The following ARHGEF37 variants were observed in gnomAD, a reference collection of about 807,000 sequenced individuals.
The protein encoded by ARHGEF37 is Rho guanine nucleotide exchange factor 37, also known as Rho guanine nucleotide exchange factor (GEF) 37.
ARHGEF37 carries 55 observed loss-of-function variants against 71.1 expected under a neutral mutation model. The ratio of observed to expected loss-of-function variants is 0.77; its 90% CI spans 0.62 to 0.97. The LOEUF is 0.97. Ranked by LOEUF, ARHGEF37 falls within the 50% of genes least tolerant of loss-of-function variation. The pLI, the probability that ARHGEF37 is intolerant of heterozygous loss-of-function variation, is 0.00. For missense variants in ARHGEF37, 765 were observed against 836.8 expected (o/e 0.91, Z 1.06); for synonymous variants, 327 against 350.6 (o/e 0.93, Z 0.75).
At chr5:149,568,143 C>G (rs7710214) in intron 1 of ARHGEF37, among the ~76,000 whole-genome samples, 3 of 151,760 alleles carry the variant, frequency 2.0e-5, no homozygotes, top group Admixed American at 2.0e-4. Flanking sequence ...ACCTCAGGCT[C>G]CTGAGTAGCT....
At chr5:149,604,865 T>C (rs571657258) in intron 3 of ARHGEF37, among the ~76,000 whole-genome samples, 1 of 151,392 alleles carries the variant, frequency 6.6e-6, no homozygotes, top group African/African-American at 2.4e-5. Flanking sequence ...GTATTTTTAG[T>C]AGAGACTGGG....
upstream of ARHGEF37, among the ~76,000 whole-genome samples, chr5:149,576,568 T>TA (rs1459908205): frequency 6.6e-6 from 1 of 152,238 alleles, no homozygotes; most frequent in South Asian, 2.1e-4. Flanking sequence ...GATAAACGTT[T>TA]AGCCACCATA....
intron 2 of ARHGEF37, among the ~76,000 whole-genome samples, chr5:149,600,558 C>A (rs1763720921): frequency 6.6e-6 from 1 of 152,188 alleles, no homozygotes; most frequent in African/African-American, 2.4e-5. Context: ...TGGCAGCAGA[C>A]CTAGGCTAAA....
intron 6 of ARHGEF37, 56 bp from the exon 7 acceptor site, chr5:149,618,882 C>T (rs1373227507): frequency 7.1e-7 from 1 of 1,406,574 alleles, no homozygotes; most frequent in African/African-American, 1.4e-5. Flanking sequence ...AACACTGAAG[C>T]CGGTGTACAC....
chr5:149,623,907 T>C, intron 9 of ARHGEF37, 105 bp from the exon 10 acceptor site: 2 of 1,437,688 alleles, frequency 1.4e-6, no homozygotes, highest in Non-Finnish European at 1.9e-6. Context: ...GGACAGAGTA[T>C]CACTCAGAAC....
chr5:149,632,360 G>C lies in ARHGEF37; in HGVS notation c.*169G>C, dbSNP rs1752911172. The C allele has an allele frequency of 1.4e-6, 1 of 706,868 alleles. No individual in the cohort carries two copies. Among genetic ancestry groups the C allele is most frequent in the Admixed American group, 2.9e-5 (1 of 34,954 alleles). 43.8% of individuals were successfully genotyped at this position (706,868 alleles called of 1,614,324 possible). On this transcript the variant is annotated 3_prime_UTR_variant, in exon 13 of 13. Transcript: ENST00000333677. ...AAGACATGGGCGGGCCTCGCAGAGT[G>C]CTTGGTGTGGTGGGGGCACAGGAGG...
At chr5:149,557,629 C>T (rs1762772247) in intron 1 of ARHGEF37, among the ~76,000 whole-genome samples, 1 of 152,160 alleles carries the variant, frequency 6.6e-6, no homozygotes, top group African/African-American at 2.4e-5. Flanking sequence ...CAGGCATGTG[C>T]CACTGCACCT....
At chr5:149,623,321 T>C (rs1752594061) in intron 9 of ARHGEF37, among the ~76,000 whole-genome samples, 1 of 152,188 alleles carries the variant, frequency 6.6e-6, no homozygotes, top group African/African-American at 2.4e-5. Flanking sequence ...GTGTTTCTCC[T>C]CAAGCATGGG....
At chr5:149,596,452 G>A (rs1303600082) in intron 1 of ARHGEF37, among the ~76,000 whole-genome samples, 2 of 152,084 alleles carry the variant, frequency 1.3e-5, no homozygotes, top group Non-Finnish European at 2.9e-5. Flanking sequence ...TTACAGGTGT[G>A]CACCACCACA....
Position 149,632,154 on chromosome 5 carries a change from G to A in ARHGEF37, c.1991G>A (p.Arg664Gln), listed in dbSNP as rs771743680. The A allele has an allele frequency of 5.2e-5, 84 of 1,614,096 alleles. No homozygotes were observed. The Middle Eastern group carries it at 3.9e-3, about 76-fold the overall frequency. Residue 664 changes from arginine to glutamine, a missense_variant, in exon 13 of 13, where the codon CGG (arginine) becomes CAG (glutamine). Coordinates refer to ENST00000333677, the MANE Select transcript of ARHGEF37 (RefSeq NM_001001669.3). ...YVPSGFLARA[R>Q]SPVLWGWSLP... ...CCTTCTGGCTTCTTGGCCAGGGCTC[G>A]GAGCCCAGTTCTGTGGGGCTGGAGT...
chr5:149,596,116 ACAGCTGCATCAGCT>A (rs1363273481), intron 1 of ARHGEF37, among the ~76,000 whole-genome samples: 2 of 152,054 alleles, frequency 1.3e-5, no homozygotes, highest in African/African-American at 4.8e-5. Flanking sequence ...ACTTTGGGCC[ACAGCTGCATCAGCT>A]CAGCTGCTCC....
In ARHGEF37 at chr5:149,627,139, C is replaced by T; in HGVS notation, c.1528C>T (p.Leu510=). The T allele has an allele frequency of 6.2e-7, 1 of 1,614,182 alleles. No individual in the cohort carries two copies. The highest frequency in any genetic ancestry group is 8.5e-7 in the Non-Finnish European group (1 of 1,180,042). The change falls in exon 11 of 13, where the codon CTG becomes TTG. Residue 510 remains leucine (L), a synonymous_variant. Transcript: ENST00000333677. ...CCTGAGCAGGTATGGCCCTGGGAAG[C>T]TGTACCAGGTGACAAGCAACATCAG... is the stretch of plus-strand genomic sequence containing the variant. ...ALLSRYGPGK[L]YQVTSNISGT...
intron 3 of ARHGEF37, among the ~76,000 whole-genome samples, chr5:149,603,296 C>T (rs541333483): frequency 6.6e-6 from 1 of 152,272 alleles, no homozygotes; most frequent in Non-Finnish European, 1.5e-5. Flanking sequence ...AAGCACTGTT[C>T]TTATGTACAT....
chr5:149,582,200 G>T (rs1763123722), intron 1 of ARHGEF37, among the ~76,000 whole-genome samples: 1 of 152,242 alleles, frequency 6.6e-6, no homozygotes, highest in Non-Finnish European at 1.5e-5. Context: ...CCCAGGCACT[G>T]GTTCTTAACC....
intron 12 of ARHGEF37, 90 bp downstream of exon 12, chr5:149,629,056 T>C: frequency 7.0e-7 from 1 of 1,422,604 alleles, no homozygotes; most frequent in South Asian, 1.4e-5. Context: ...TCTATGCCCC[T>C]CCTGTCTGGT....
Position 149,570,176 on chromosome 5 carries a change from C to T in ARHGEF37, c.-12+18053C>T, listed in dbSNP as rs140760835. Among the ~76,000 whole-genome samples the T allele has an allele frequency of 3.1e-3, 474 of 152,226 alleles. 3 individuals carry two copies. The highest frequency in any genetic ancestry group is 0.011 in the African/African-American group (466 of 41,538). ...TGAATTTTTAAAACACCTACTAAAG[C>T]TAATAAATGAATTTAGCAAGGTTTC... On this transcript the variant is annotated intron_variant, in intron 1 of 2. Coordinates refer to the ARHGEF37 transcript ENST00000505810.
At chr5:149,554,114 G>A (rs544342678) in intron 1 of ARHGEF37, among the ~76,000 whole-genome samples, 3 of 152,318 alleles carry the variant, frequency 2.0e-5, no homozygotes, top group Non-Finnish European at 4.4e-5. Context: ...ATTGCAGTGA[G>A]CCGAGATTGT....
Position 149,597,756 on chromosome 5 carries a change from C to A in ARHGEF37, c.-11-3C>A. The A allele has an allele frequency of 6.5e-7, 1 of 1,529,094 alleles. No homozygotes were observed. The highest frequency in any genetic ancestry group is 1.3e-5 in the South Asian group (1 of 77,702). The allele number at this position is 1,529,094 out of a possible 1,614,324, so 94.7% of individuals were successfully genotyped here. A position where few individuals can be genotyped will look rare whatever the true frequency, so the allele number is the denominator to read the frequency against. ...TGAGTGGGGATGCTTTTGCTTTTCC[C>A]AGAACCTGCTGACATGGCCAAGCAT... On this transcript the variant is annotated splice_polypyrimidine_tract_variant and splice_region_variant and intron_variant, in intron 1 of 12. Coordinates refer to ENST00000333677, the MANE Select transcript of ARHGEF37 (RefSeq NM_001001669.3).
rs564852030 is a variant in ARHGEF37 at position 149,593,057 on chromosome 5, G to A, written c.-11-4702G>A. On this transcript the variant is annotated intron_variant, in intron 1 of 12. Coordinates refer to ENST00000333677, the MANE Select transcript of ARHGEF37 (RefSeq NM_001001669.3). ...AGTGCTGAGATTACAGGTGTAAGCC[G>A]CTGTACCCAGGCATTTTACATTTTC... 3.9e-5 allele frequency among the ~76,000 whole-genome samples: 6 copies of A among 152,230 alleles called. No homozygotes were observed. In the South Asian group the frequency reaches 6.2e-4, roughly 16 times the overall value.
Sources: allele counts gnomAD v4.1 joint callset (sites outside exome capture counted in the v4.1 genomes callset), GRCh38; gene constraint gnomAD v4.1.1; transcripts MANE v1.5; gene names NCBI Gene and HGNC (gene_info 2026-07-23, HGNC 2026-07-21).